Variants in PCSK5 observed in about 807,000 individuals in gnomAD.
PCSK5 encodes proprotein convertase subtilisin/kexin type 5, also known as prohormone convertase 5.
PCSK5 carries 129 observed loss-of-function variants against 233.2 expected under a neutral mutation model. That is an observed-to-expected ratio of 0.55 (90% CI 0.48 to 0.64). PCSK5 has a LOEUF of 0.64. PCSK5 is among the 30% of genes least tolerant of loss of function. The pLI, the probability that PCSK5 is intolerant of heterozygous loss-of-function variation, is 0.00. For missense variants in PCSK5, 2,076 were observed against 2,430.1 expected (o/e 0.85, Z 3.06); for synonymous variants, 825 against 879.2 (o/e 0.94, Z 1.09).
intron 1 of PCSK5, among the ~76,000 whole-genome samples, chr9:75,896,588 G>T (rs1825815954): frequency 6.6e-6 from 1 of 152,136 alleles, no homozygotes; most frequent in Non-Finnish European, 1.5e-5. Flanking sequence ...GCATTGCTCT[G>T]CATTGGGACT....
chr9:76,295,182 A>G (rs1049645934), intron 25 of PCSK5, 93 bp from the exon 26 acceptor site: 124 of 1,161,266 alleles, frequency 1.1e-4, no homozygotes, highest in Non-Finnish European at 1.4e-4. Flanking sequence ...CGAAACAAAA[A>G]ACTCTGCATA....
At chr9:75,920,867 C>T (rs1022645956) in intron 1 of PCSK5, among the ~76,000 whole-genome samples, 27 of 151,802 alleles carry the variant, frequency 1.8e-4, no homozygotes, top group African/African-American at 6.5e-4. Flanking sequence ...CTCAAAATAG[C>T]CTCTGTTTAC....
chr9:76,330,396 A>T (rs1415142232), intron 33 of PCSK5, among the ~76,000 whole-genome samples: 1 of 152,168 alleles, frequency 6.6e-6, no homozygotes, highest in Admixed American at 6.5e-5. Flanking sequence ...ACCAGGAAGT[A>T]TGAGCACTTT....
At chr9:76,262,815 GA>G (rs1329553434) in intron 24 of PCSK5, among the ~76,000 whole-genome samples, 6 of 150,652 alleles carry the variant, frequency 4.0e-5, no homozygotes, top group Non-Finnish European at 7.4e-5. Flanking sequence ...CACAGCAAAA[GA>G]AACTACCATC....
intron 6 of PCSK5, among the ~76,000 whole-genome samples, chr9:76,071,421 T>C (rs1301896142): frequency 2.0e-5 from 3 of 152,128 alleles, no homozygotes; most frequent in African/African-American, 7.2e-5. Flanking sequence ...GATCTCTTTG[T>C]CAAGTACTCA....
intron 35 of PCSK5, among the ~76,000 whole-genome samples, chr9:76,347,807 A>G (rs1386513269): frequency 1.3e-5 from 2 of 151,908 alleles, no homozygotes; most frequent in African/African-American, 4.8e-5. Flanking sequence ...ACCTTATGGT[A>G]GGAATTTTGT....
intron 2 of PCSK5, among the ~76,000 whole-genome samples, chr9:75,952,065 A>C (rs926834763): frequency 2.0e-5 from 3 of 152,214 alleles, no homozygotes; most frequent in Non-Finnish European, 2.9e-5. Flanking sequence ...AGCATTCTAC[A>C]CACTTCTTTT....
chr9:75,931,060 T>C (rs967304224), intron 1 of PCSK5, among the ~76,000 whole-genome samples: 10 of 152,090 alleles, frequency 6.6e-5, no homozygotes, highest in Non-Finnish European at 1.2e-4. Flanking sequence ...TCCACTTGAA[T>C]AAAAAATGTG....
At chr9:76,148,343 T>A (rs1435103086) in intron 10 of PCSK5, among the ~76,000 whole-genome samples, 9 of 140,050 alleles carry the variant, frequency 6.4e-5, no homozygotes, top group East Asian at 5.1e-4. Context: ...GGGAGGGAGT[T>A]TCTCTCTCCC....
At chr9:75,918,269 T>C (rs986330265) in intron 1 of PCSK5, among the ~76,000 whole-genome samples, 2 of 152,240 alleles carry the variant, frequency 1.3e-5, no homozygotes, top group Non-Finnish European at 2.9e-5. Flanking sequence ...GACGATAATG[T>C]GCTTGCACCC....
At chr9:76,076,114 C>T (rs1453450008) in intron 7 of PCSK5, among the ~76,000 whole-genome samples, 1 of 152,134 alleles carries the variant, frequency 6.6e-6, no homozygotes, top group African/African-American at 2.4e-5. Flanking sequence ...TGATAACAAG[C>T]CCATCATATG....
intron 1 of PCSK5, among the ~76,000 whole-genome samples, chr9:75,892,205 G>A (rs1825640153): frequency 6.6e-6 from 1 of 152,218 alleles, no homozygotes; most frequent in Non-Finnish European, 1.5e-5. Context: ...GCCGCTCTCG[G>A]GCTTTTGGCA....
Position 76,239,819 on chromosome 9 carries a change from C to G in PCSK5, c.3073+654C>G, listed in dbSNP as rs1426548615. Among the ~76,000 whole-genome samples, 3 of 152,070 alleles carry G rather than the reference C, an allele frequency of 2.0e-5. No individual in the cohort carries two copies. The East Asian group carries it at 5.8e-4, about 29-fold the overall frequency. On this transcript the variant is annotated intron_variant, in intron 23 of 37. Transcript: ENST00000674117. ...AAAATTCGAATCCAAAAGTCTGGGTCAACAGTTTTCTCCTTCCCAATTACT... is the reference window on the plus strand; with the variant it reads ...AAAATTCGAATCCAAAAGTCTGGGTGAACAGTTTTCTCCTTCCCAATTACT...
At chr9:76,311,469 G>A (rs1828864154) in intron 30 of PCSK5, among the ~76,000 whole-genome samples, 1 of 152,064 alleles carries the variant, frequency 6.6e-6, no homozygotes, top group Admixed American at 6.6e-5. Context: ...GGTTTAAATA[G>A]GTGAGGCATG....
intron 34 of PCSK5, among the ~76,000 whole-genome samples, chr9:76,337,836 G>T (rs2842493): frequency 4.0e-5 from 6 of 150,924 alleles, no homozygotes; most frequent in South Asian, 2.1e-4. Flanking sequence ...ACCCATCTCT[G>T]TTTTAAAAAA....
chr9:76,188,482 G>T, intron 17 of PCSK5, 96 bp from the exon 18 acceptor site: 1 of 766,416 alleles, frequency 1.3e-6, no homozygotes, highest in Non-Finnish European at 2.2e-6. Context: ...TGGCCTCTGA[G>T]GGAAACTGTA....
At position 76,252,140 on chromosome 9, in the gene PCSK5, T is replaced by C. The variant is rs564311065; in HGVS notation, c.3142+11456T>C. Among the ~76,000 whole-genome samples the C allele has an allele frequency of 9.0e-3, 1,373 of 151,820 alleles. 10 individuals carry two copies. Among genetic ancestry groups the C allele is most frequent in the Non-Finnish European group, 0.015 (988 of 67,942 alleles). Reference sequence around the variant, plus strand: ...AACTTAGCCGGGCATGGTGGCGGGGTGCCTGTAGTCCCAGCTACTCGGGAG... The same window carrying C: ...AACTTAGCCGGGCATGGTGGCGGGGCGCCTGTAGTCCCAGCTACTCGGGAG... On this transcript the variant is annotated intron_variant, in intron 24 of 37. Coordinates refer to ENST00000674117, the MANE Select transcript of PCSK5 (RefSeq NM_001372043.1).
intron 20 of PCSK5, among the ~76,000 whole-genome samples, chr9:76,198,825 C>T (rs1033587861): frequency 1.3e-5 from 2 of 152,116 alleles, no homozygotes; most frequent in South Asian, 2.1e-4. Context: ...AATGTGAATC[C>T]GTTTAAGTGC....
chr9:75,947,855 T>C (rs1824646715), intron 2 of PCSK5, among the ~76,000 whole-genome samples: 1 of 152,102 alleles, frequency 6.6e-6, no homozygotes, highest in Non-Finnish European at 1.5e-5. Flanking sequence ...TCCATGGATA[T>C]TTTAGAGACA....
Sources: allele counts gnomAD v4.1 joint callset (sites outside exome capture counted in the v4.1 genomes callset), GRCh38; gene constraint gnomAD v4.1.1; transcripts MANE v1.5; gene names NCBI Gene and HGNC (gene_info 2026-07-23, HGNC 2026-07-21).